CDH12: variants seen among roughly 807,000 people sequenced by gnomAD.
CDH12 encodes cadherin 12, also known as cadherin-12.
A neutral mutation model predicts 74.1 loss-of-function variants in CDH12; 41 were observed. The ratio of observed to expected loss-of-function variants is 0.55; its 90% confidence interval spans 0.43 to 0.72. CDH12 has a LOEUF of 0.72. Among genes scored for constraint, CDH12 ranks in the 30% least tolerant of loss-of-function variants. The probability of loss-of-function intolerance (pLI) is 0.00; values close to 1 mark genes in which losing one functional copy is unlikely to be tolerated. For missense variants in CDH12, 945 were observed against 977.2 expected (o/e 0.97, Z 0.44); for synonymous variants, 399 against 355.0 (o/e 1.12, Z -1.39).
rs796514315 is a variant in CDH12 at position 21,833,232 on chromosome 5, C to T, written c.814+8929G>A. 4.9e-4 allele frequency among the ~76,000 whole-genome samples: 17 copies of T among 34,818 alleles called. 3 individuals are homozygous for T. The highest frequency in any genetic ancestry group is 2.4e-3 in the African/African-American group (9 of 3,768). 22.8% of individuals were successfully genotyped at this position (34,818 alleles called of 152,430 possible). On this transcript the variant is annotated intron_variant, in intron 8 of 14. Coordinates refer to ENST00000382254, the MANE Select transcript of CDH12 (RefSeq NM_004061.5). ...ATAATATATATTATATGTTATATAA[C>T]ATATAATATATATTATATATTATAT... is the stretch of plus-strand genomic sequence containing the variant.
chr5:22,003,347 G>A (rs1361520170), intron 5 of CDH12, among the ~76,000 whole-genome samples: 3 of 152,028 alleles, frequency 2.0e-5, no homozygotes, highest in Admixed American at 6.6e-5. Flanking sequence ...TTGCTATTCC[G>A]TTATCAAAGC....
chr5:22,274,981 C>T (rs920161003), intron 3 of CDH12, among the ~76,000 whole-genome samples: 2 of 151,988 alleles, frequency 1.3e-5, no homozygotes, highest in Non-Finnish European at 2.9e-5. Flanking sequence ...TGAAGGAATA[C>T]CTTAAGAATC....
At chr5:22,271,511 T>C (rs1319419478) in intron 3 of CDH12, among the ~76,000 whole-genome samples, 3 of 152,196 alleles carry the variant, frequency 2.0e-5, no homozygotes, top group Non-Finnish European at 2.9e-5. Context: ...AAAACACAAA[T>C]GTTCTTAAGA....
intron 6 of CDH12, among the ~76,000 whole-genome samples, chr5:21,943,252 G>C (rs971293391): frequency 3.3e-5 from 5 of 151,940 alleles, no homozygotes; most frequent in Admixed American, 1.3e-4. Context: ...GATTAATACA[G>C]AGAGTCTACA....
chr5:21,889,871 T>C, intron 6 of CDH12: 2 of 985,206 alleles, frequency 2.0e-6, no homozygotes, highest in Non-Finnish European at 1.2e-6. Context: ...AGGGCAGAGC[T>C]GCTTTTCTTA....
rs201803761 is a variant in CDH12, at chr5:22,208,761, AT to A, written c.-187+3736del. Among the ~76,000 whole-genome samples the A allele has an allele frequency of 7.8e-3, 1,183 of 152,056 alleles. 16 individuals are homozygous for A. The highest frequency in any genetic ancestry group is 0.027 in the African/African-American group (1,108 of 41,480). ...CAGTAGAGCCTAGACACATGGTTAT[AT>A]TTTCTTGGTGGAAACACCTATGCAT... On this transcript the variant is annotated intron_variant, in intron 4 of 14. Transcript: ENST00000382254.
intron 3 of CDH12, among the ~76,000 whole-genome samples, chr5:22,288,980 A>G (rs1331468403): frequency 6.6e-6 from 1 of 152,142 alleles, no homozygotes; most frequent in Non-Finnish European, 1.5e-5. Context: ...GAAGTTTGAA[A>G]CCAGCCTGGC....
chr5:22,408,066 T>C (rs185320594), intron 2 of CDH12, among the ~76,000 whole-genome samples: 20 of 152,182 alleles, frequency 1.3e-4, no homozygotes, highest in South Asian at 1.2e-3. Context: ...TTAGTTTTCA[T>C]AAAGTTTTGA....
chr5:21,968,663 G>C (rs1756694174), intron 6 of CDH12, among the ~76,000 whole-genome samples: 1 of 152,118 alleles, frequency 6.6e-6, no homozygotes, highest in Non-Finnish European at 1.5e-5. Context: ...TTTTCAACAG[G>C]AATGTCTAGA....
intron 9 of CDH12, among the ~76,000 whole-genome samples, chr5:21,803,546 A>C (rs556131163): frequency 6.6e-6 from 1 of 152,270 alleles, no homozygotes; most frequent in African/African-American, 2.4e-5. Context: ...CTCACTCTAA[A>C]TATTAATTTT....
chr5:22,449,384 G>A (rs72744863), intron 2 of CDH12, among the ~76,000 whole-genome samples: 2,333 of 152,094 alleles, frequency 0.015, 27 homozygotes, highest in Non-Finnish European at 0.024. Flanking sequence ...AAAGATGTAT[G>A]CAGATCCTGG....
At chr5:22,001,289 A>T (rs1736586667) in intron 5 of CDH12, among the ~76,000 whole-genome samples, 1 of 151,692 alleles carries the variant, frequency 6.6e-6, no homozygotes, top group South Asian at 2.1e-4. Context: ...CTAGAGGCCT[A>T]CCCGATATCC....
intron 1 of CDH12, among the ~76,000 whole-genome samples, chr5:22,675,870 C>CATATATATATATATATAT (rs144687047): frequency 0.031 from 2,892 of 92,044 alleles, 239 homozygotes; most frequent in Admixed American, 0.055. Flanking sequence ...TTTTGTATCT[C>CATATATATATATATATAT]ATATATATAT....
intron 1 of CDH12, among the ~76,000 whole-genome samples, chr5:22,754,193 C>CA (rs1190740029): frequency 3.3e-5 from 5 of 152,156 alleles, no homozygotes. Flanking sequence ...AAAATACCAG[C>CA]AAGCAACTTG....
chr5:22,771,606 T>A (rs1271607825), intron 1 of CDH12, among the ~76,000 whole-genome samples: 1 of 152,120 alleles, frequency 6.6e-6, no homozygotes, highest in African/African-American at 2.4e-5. Context: ...AAAATGCTAT[T>A]GCTACAAGAA....
chr5:22,429,477 T>G (rs2126516745), intron 2 of CDH12, among the ~76,000 whole-genome samples: 1 of 152,158 alleles, frequency 6.6e-6, no homozygotes, highest in South Asian at 2.1e-4. Context: ...ATACTCAACC[T>G]CAAGGGAAAA....
intron 2 of CDH12, among the ~76,000 whole-genome samples, chr5:22,500,966 C>G (rs1419806898): frequency 2.6e-5 from 4 of 151,692 alleles, no homozygotes; most frequent in African/African-American, 7.3e-5. Flanking sequence ...TATTTCCTTG[C>G]TTCTGTACTA....
intron 2 of CDH12, among the ~76,000 whole-genome samples, chr5:22,500,625 T>C (rs1279090518): frequency 6.6e-6 from 1 of 152,176 alleles, no homozygotes; most frequent in Admixed American, 6.5e-5. Context: ...TCAATGCTAA[T>C]TGAGAGAGGC....
At chr5:22,545,477 C>T (rs946799060) in intron 1 of CDH12, among the ~76,000 whole-genome samples, 3 of 152,118 alleles carry the variant, frequency 2.0e-5, no homozygotes, top group African/African-American at 7.2e-5. Context: ...ATATAGATCC[C>T]TAGATGATTC....
Sources: allele counts gnomAD v4.1 joint callset (sites outside exome capture counted in the v4.1 genomes callset), GRCh38; gene constraint gnomAD v4.1.1; transcripts MANE v1.5; gene names NCBI Gene and HGNC (gene_info 2026-07-23, HGNC 2026-07-21).